The following DMGDH variants were observed in gnomAD, a reference collection of about 807,000 sequenced individuals.
DMGDH encodes the protein dimethylglycine dehydrogenase, mitochondrial.
Under a neutral mutation model 95.2 loss-of-function variants are expected in DMGDH, and 76 were observed. The observed-to-expected ratio is 0.80, with a 90% CI of 0.66 to 0.97. DMGDH has a LOEUF of 0.97. Ranked by LOEUF, DMGDH falls within the 50% of genes least tolerant of loss-of-function variation. The pLI is 0.00. For synonymous variants in DMGDH, 345 were observed against 377.6 expected (o/e 0.91, Z 1.00); for missense variants, 987 against 1,055.0 (o/e 0.94, Z 0.89).
At chr5:79,054,541 C>T (rs199903490) in intron 3 of DMGDH, among the ~76,000 whole-genome samples, 193 bp from the exon 4 acceptor site, 14 of 152,160 alleles carry the variant, frequency 9.2e-5, no homozygotes, top group Non-Finnish European at 1.6e-4. Flanking sequence ...AGTGCCTGTT[C>T]GGAGCCAGGC....
chr5:79,036,851 A>G (rs1160061077), intron 7 of DMGDH, among the ~76,000 whole-genome samples: 1 of 152,096 alleles, frequency 6.6e-6, no homozygotes, highest in Non-Finnish European at 1.5e-5. Context: ...GTGTCCTCCC[A>G]TAATGCATCT....
At chr5:79,064,707 G>C (rs1755319055) in intron 1 of DMGDH, among the ~76,000 whole-genome samples, 1 of 151,166 alleles carries the variant, frequency 6.6e-6, no homozygotes, top group Non-Finnish European at 1.5e-5. Flanking sequence ...CCTTATTCTG[G>C]AACCTTTTTT....
At chr5:79,028,378 T>C in intron 12 of DMGDH, 55 bp downstream of exon 12, 2 of 1,465,250 alleles carry the variant, frequency 1.4e-6, no homozygotes, top group Non-Finnish European at 1.9e-6. Context: ...ATTTTAAATT[T>C]TAAATTGACC....
At chr5:79,053,557 T>C (rs1366390893) in intron 4 of DMGDH, among the ~76,000 whole-genome samples, 1 of 149,806 alleles carries the variant, frequency 6.7e-6, no homozygotes, top group Non-Finnish European at 1.5e-5. Flanking sequence ...CATGAAATTA[T>C]GCATGTAAGG....
In DMGDH at chr5:79,051,267, C is replaced by A. The variant is rs1754847009; in HGVS notation, c.745+20G>T. 6.2e-7 allele frequency: 1 copy of A among 1,613,182 alleles called. No individual in the cohort carries two copies. The highest frequency in any genetic ancestry group is 8.5e-7 in the Non-Finnish European group (1 of 1,179,312). On this transcript the variant is annotated intron_variant, in intron 5 of 15. Coordinates refer to ENST00000255189, the MANE Select transcript of DMGDH (RefSeq NM_013391.3). ...TTTGGCACTTAAAAAACACTAATTT[C>A]AAAAAAATGATATGCTTACCTGCAG... is the stretch of plus-strand genomic sequence containing the variant.
Position 79,036,216 on chromosome 5 carries a change from A to G in DMGDH, c.1194-2808T>C, listed in dbSNP as rs140153826. 2.8e-3 allele frequency among the ~76,000 whole-genome samples: 422 copies of G among 152,352 alleles called. 1 individual carries two copies. Among genetic ancestry groups the G allele is most frequent in the Non-Finnish European group, 4.4e-3 (299 of 68,026 alleles). ...TACATGGTGGCTATTGGGCCCTTGT[A>G]TGACCAGTTGAAAGGATTTTAATAA... On this transcript the variant is annotated intron_variant, in intron 7 of 15. Transcript: ENST00000255189.
Position 79,017,643 on chromosome 5 carries a change from C to G in DMGDH, c.2250+6628G>C, listed in dbSNP as rs555857012. 1.8e-3 allele frequency among the ~76,000 whole-genome samples: 271 copies of G among 152,312 alleles called. 1 individual carries two copies. Among genetic ancestry groups the G allele is most frequent in the Non-Finnish European group, 1.9e-3 (130 of 68,030 alleles). Reference sequence around the variant, plus strand: ...ACACTTTCATTTTATTCAGTCATTTCACTCCTAGGTATTTACCTAGGGAAA... The same window carrying G: ...ACACTTTCATTTTATTCAGTCATTTGACTCCTAGGTATTTACCTAGGGAAA... On this transcript the variant is annotated intron_variant, in intron 14 of 15. Transcript: ENST00000255189.
intron 14 of DMGDH, among the ~76,000 whole-genome samples, chr5:79,010,778 G>T (rs73771379): frequency 3.3e-5 from 5 of 152,276 alleles, no homozygotes; most frequent in African/African-American, 1.2e-4. Flanking sequence ...TCCCAGTAAA[G>T]CTTCCTTGGG....
intron 1 of DMGDH, among the ~76,000 whole-genome samples, chr5:79,066,646 T>A (rs980464813): frequency 6.6e-6 from 1 of 152,130 alleles, no homozygotes; most frequent in African/African-American, 2.4e-5. Flanking sequence ...TTGTCTGGTG[T>A]TTCCTCATGA....
chr5:79,051,637 T>C (rs1425507114), intron 4 of DMGDH, 146 bp from the exon 5 acceptor site: 4 of 732,120 alleles, frequency 5.5e-6, no homozygotes, highest in African/African-American at 1.8e-5. Context: ...GAAGACTTCA[T>C]GAAAAAGCCA....
At chr5:79,013,637 T>C (rs1345079265) in intron 14 of DMGDH, among the ~76,000 whole-genome samples, 6 of 152,206 alleles carry the variant, frequency 3.9e-5, no homozygotes, top group Non-Finnish European at 7.3e-5. Context: ...AGAAAATAGA[T>C]TTAATTGGCT....
intron 7 of DMGDH, among the ~76,000 whole-genome samples, chr5:79,037,403 C>G (rs1351355191): frequency 6.6e-6 from 1 of 152,148 alleles, no homozygotes; most frequent in Non-Finnish European, 1.5e-5. Flanking sequence ...GGAATGAGTG[C>G]ACTGATATAA....
chr5:79,066,431 G>A (rs59664324), intron 1 of DMGDH, among the ~76,000 whole-genome samples: 28,793 of 150,924 alleles, frequency 0.19, 2,888 homozygotes, highest in African/African-American at 0.24. Flanking sequence ...GACTGCAGGC[G>A]CCCACCACCA....
chr5:79,042,661 T>C (rs1754544120), intron 6 of DMGDH, among the ~76,000 whole-genome samples, 180 bp from the exon 7 acceptor site: 1 of 152,204 alleles, frequency 6.6e-6, no homozygotes, highest in Non-Finnish European at 1.5e-5. Context: ...TTTATATTAC[T>C]GAAAACAATG....
At chr5:79,061,114 A>G (rs1295583825) in intron 2 of DMGDH, among the ~76,000 whole-genome samples, 1 of 151,692 alleles carries the variant, frequency 6.6e-6, no homozygotes, top group Non-Finnish European at 1.5e-5. Flanking sequence ...TCCCAGCTAC[A>G]GGTGCTGATG....
rs1024157451 is a variant in DMGDH at position 79,026,518 on chromosome 5, A to C, written c.2096T>G (p.Met699Arg). ...EDSVALYDAI[M>R]NAGQEEGIDN... ...GATTCCCTCCTCCTGGCCTGCATTC[A>C]TGATAGCGTCATACAGCGCCACAGA... Residue 699 changes from methionine to arginine, a missense_variant, in exon 13 of 16, where the codon ATG becomes AGG. By Grantham distance (91) the Met-to-Arg change is moderately conservative. Transcript: ENST00000255189. The C allele has an allele frequency of 2.5e-6, 4 of 1,614,160 alleles. No homozygotes were observed. The highest frequency in any genetic ancestry group is 3.4e-6 in the Non-Finnish European group (4 of 1,180,032).
intron 14 of DMGDH, among the ~76,000 whole-genome samples, chr5:79,016,428 G>T (rs1450627388): frequency 6.6e-6 from 1 of 152,008 alleles, no homozygotes; most frequent in Non-Finnish European, 1.5e-5. Flanking sequence ...AAGACCAATT[G>T]TATTTCTATA....
At chr5:79,001,471 G>A (rs1434365490) in intron 15 of DMGDH, among the ~76,000 whole-genome samples, 1 of 152,142 alleles carries the variant, frequency 6.6e-6, no homozygotes, top group African/African-American at 2.4e-5. Context: ...CTTAATCATT[G>A]CTTTTTGAAA....
chr5:79,032,721 A>G lies in DMGDH; in HGVS notation c.1483T>C (p.Trp495Arg), dbSNP rs1334934923. ...GFHAGWEQPH[W>R]FYKPGQDTQY... ...GTGTCCTGGCCTGGTTTGTAGAACC[A>G]GTGCGGCTGCTCCCAGCCAGCATGG... Residue 495 changes from tryptophan to arginine, a missense_variant, in exon 9 of 16, where the codon TGG becomes CGG. Transcript: ENST00000255189. 4 of 1,614,196 alleles carry G rather than the reference A, an allele frequency of 2.5e-6. No homozygotes were observed. The highest frequency in any genetic ancestry group is 1.6e-4 in the Middle Eastern group (1 of 6,062).
Sources: allele counts gnomAD v4.1 joint callset (sites outside exome capture counted in the v4.1 genomes callset), GRCh38; gene constraint gnomAD v4.1.1; transcripts MANE v1.5; gene names NCBI Gene and HGNC (gene_info 2026-07-23, HGNC 2026-07-21).